The following NAV3 variants were observed in gnomAD, a reference collection of about 807,000 sequenced individuals.
NAV3 encodes the protein neuron navigator 3, also known as pore membrane and/or filament interacting like protein 1.
Under a neutral mutation model 244.7 loss-of-function variants are expected in NAV3, and 87 were observed. The ratio of observed to expected loss-of-function variants is 0.36; its 90% CI spans 0.30 to 0.42. The LOEUF is 0.42. Ranked by LOEUF, NAV3 falls within the 20% of genes least tolerant of loss-of-function variation. The probability of loss-of-function intolerance (pLI) is 1.00; values close to 1 mark genes in which losing one functional copy is unlikely to be tolerated. For missense variants in NAV3, 2,663 were observed against 2,893.3 expected (o/e 0.92, Z 1.83); for synonymous variants, 1,126 against 1,042.2 (o/e 1.08, Z -1.55).
chr12:78,176,567 A>G (rs1382716011), intron 26 of NAV3, 108 bp downstream of exon 26: 1 of 973,384 alleles, frequency 1.0e-6, no homozygotes, highest in Non-Finnish European at 1.6e-6. Flanking sequence ...AAAACAGATT[A>G]CCTTGTATGT....
chr12:77,747,746 A>T (rs1868626829), intron 2 of NAV3, among the ~76,000 whole-genome samples: 1 of 152,212 alleles, frequency 6.6e-6, no homozygotes, highest in Admixed American at 6.5e-5. Context: ...ACATGGATGA[A>T]GCTGGAAACC....
intron 11 of NAV3, among the ~76,000 whole-genome samples, chr12:78,058,729 A>G (rs756886902): frequency 3.3e-5 from 5 of 152,182 alleles, no homozygotes; most frequent in Non-Finnish European, 7.4e-5. Flanking sequence ...AGGGAAAAAT[A>G]GGTTCTATGG....
intron 18 of NAV3, among the ~76,000 whole-genome samples, chr12:78,135,215 A>G (rs766096304): frequency 1.1e-4 from 17 of 152,188 alleles, no homozygotes; most frequent in Non-Finnish European, 1.8e-4. Context: ...CTCCTTCTTC[A>G]GACATCTGCC....
intron 17 of NAV3, among the ~76,000 whole-genome samples, chr12:78,127,718 C>T (rs760238795): frequency 2.6e-5 from 4 of 152,136 alleles, no homozygotes; most frequent in Admixed American, 6.6e-5. Flanking sequence ...ATATTTTCAT[C>T]ATCACAGGAC....
chr12:77,644,602 T>G (rs1872544982), intron 2 of NAV3, among the ~76,000 whole-genome samples: 1 of 152,086 alleles, frequency 6.6e-6, no homozygotes, highest in Admixed American at 6.6e-5. Context: ...TAAAAAATAT[T>G]TTTTTATCAG....
At chr12:77,850,516 C>A (rs1356342985) in intron 1 of NAV3, among the ~76,000 whole-genome samples, 1 of 152,190 alleles carries the variant, frequency 6.6e-6, no homozygotes, top group East Asian at 1.9e-4. Flanking sequence ...TCTTTCAAAT[C>A]TCCTTTCCTG....
rs551544713 is a variant in NAV3, at chr12:77,667,805, A to C, written c.72+95539A>C. On this transcript the variant is annotated intron_variant, in intron 2 of 8. Coordinates refer to the NAV3 transcript ENST00000550042. ...CTCCCTGTACAACCACAGCTGATGCACTCTTGAAAGCACCACCTTCTGTCT... is the reference window on the plus strand; with the variant it reads ...CTCCCTGTACAACCACAGCTGATGCCCTCTTGAAAGCACCACCTTCTGTCT... Among the ~76,000 whole-genome samples, 5 of 152,174 alleles carry C rather than the reference A, an allele frequency of 3.3e-5. No homozygotes were observed. In the East Asian group the frequency reaches 9.7e-4, roughly 29 times the overall value.
intron 2 of NAV3, among the ~76,000 whole-genome samples, chr12:77,777,268 G>C (rs995198070): frequency 2.6e-5 from 4 of 152,062 alleles, no homozygotes; most frequent in African/African-American, 7.2e-5. Context: ...ACAATATAAT[G>C]AAATATATAT....
At chr12:77,781,535 C>G (rs1469643374) in intron 2 of NAV3, among the ~76,000 whole-genome samples, 2 of 152,118 alleles carry the variant, frequency 1.3e-5, no homozygotes, top group Non-Finnish European at 2.9e-5. Context: ...AGTTGTCCTG[C>G]CTTTCCAGAC....
Position 78,013,278 on chromosome 12 carries a change from G to A in NAV3, c.1907+5833G>A, listed in dbSNP as rs527980608. On this transcript the variant is annotated intron_variant, in intron 8 of 39. Transcript: ENST00000397909. ...TCATCCACAATGTGGTAGACAAGGG[G>A]CAAGCTCAAAGAGAACAACAAAATG... Among the ~76,000 whole-genome samples, 51 of 152,164 alleles carry A rather than the reference G, an allele frequency of 3.4e-4. 1 individual carries two copies. Among genetic ancestry groups the A allele is most frequent in the African/African-American group, 1.2e-3 (48 of 41,512 alleles).
At chr12:77,578,454 G>A (rs1368193700) in intron 2 of NAV3, among the ~76,000 whole-genome samples, 1 of 152,094 alleles carries the variant, frequency 6.6e-6, no homozygotes. Flanking sequence ...TCCCTTCCCA[G>A]TATTTCCTGG....
chr12:77,998,515 T>C (rs773962618), intron 7 of NAV3, 39 bp downstream of exon 7: 3 of 1,558,594 alleles, frequency 1.9e-6, no homozygotes, highest in Non-Finnish European at 1.7e-6. Flanking sequence ...AAGTCCAACA[T>C]GAGTCTTGTG....
chr12:77,811,531 A>G (rs959366645), intron 2 of NAV3, among the ~76,000 whole-genome samples: 1 of 152,158 alleles, frequency 6.6e-6, no homozygotes, highest in African/African-American at 2.4e-5. Flanking sequence ...TTGATTATAT[A>G]CCTAATTTAT....
At position 77,753,242 on chromosome 12, in the gene NAV3, C is replaced by T. The variant is rs145158038; in HGVS notation, c.72+180976C>T. Among the ~76,000 whole-genome samples, 93 of 152,280 alleles carry T rather than the reference C, an allele frequency of 6.1e-4. 1 individual carries two copies. Among genetic ancestry groups the T allele is most frequent in the African/African-American group, 2.2e-3 (90 of 41,572 alleles). On this transcript the variant is annotated intron_variant, in intron 2 of 8. Coordinates refer to the NAV3 transcript ENST00000550042. Reference sequence around the variant, plus strand: ...ATATTTATTGAGTGTCTAGAATCTACGCAGTGAAGAAAACTACTTACCATT... The same window carrying T: ...ATATTTATTGAGTGTCTAGAATCTATGCAGTGAAGAAAACTACTTACCATT...
intron 9 of NAV3, among the ~76,000 whole-genome samples, chr12:78,048,042 A>G (rs1370196559): frequency 1.3e-5 from 2 of 152,064 alleles, no homozygotes; most frequent in African/African-American, 4.8e-5. Context: ...ATTTCGTGCT[A>G]TGTTTTTCAG....
Position 77,986,833 on chromosome 12 carries a change from C to A in NAV3, c.672-7970C>A, listed in dbSNP as rs537337309. On this transcript the variant is annotated intron_variant, in intron 5 of 39. Transcript: ENST00000397909. ...GTTGAACAATAAGGGCTGTTTGAAT[C>A]CTTTGCAAGGATTATGAGGCTACCA... Among the ~76,000 whole-genome samples, 5 of 152,116 alleles carry A rather than the reference C, an allele frequency of 3.3e-5. No homozygotes were observed. In the South Asian group the frequency reaches 8.3e-4, roughly 25 times the overall value.
chr12:78,053,034 CA>C (rs1243857094), intron 11 of NAV3, among the ~76,000 whole-genome samples: 3 of 151,862 alleles, frequency 2.0e-5, no homozygotes, highest in Non-Finnish European at 4.4e-5. Flanking sequence ...GCCTGCCCAA[CA>C]TGGCAAAAAC....
intron 3 of NAV3, among the ~76,000 whole-genome samples, chr12:77,958,334 A>C (rs1891562541): frequency 6.6e-6 from 1 of 152,188 alleles, no homozygotes; most frequent in Admixed American, 6.5e-5. Context: ...TGTAGCACAG[A>C]GCACATTTTC....
At chr12:77,833,306 T>C (rs1874038298) in intron 1 of NAV3, among the ~76,000 whole-genome samples, 3 of 138,976 alleles carry the variant, frequency 2.2e-5, no homozygotes, top group African/African-American at 8.2e-5. Context: ...AAATAGTAGT[T>C]GGATGAATGA....
Sources: gnomAD v4.1 joint callset for allele counts (sites outside exome capture counted in the v4.1 genomes callset) on GRCh38, gnomAD v4.1.1 for gene constraint, MANE v1.5 for transcripts, NCBI Gene and HGNC (gene_info 2026-07-23, HGNC 2026-07-21) for gene names.